Variants in TNFRSF8 observed in about 807,000 individuals in gnomAD.
TNFRSF8 encodes TNF receptor superfamily member 8, also known as tumor necrosis factor receptor superfamily member 8.
In TNFRSF8, 26 loss-of-function variants were observed where a neutral mutation model predicts 70.8. That is an observed-to-expected ratio of 0.37 (90% confidence interval 0.27 to 0.51). The LOEUF (loss-of-function observed/expected upper bound fraction) is 0.51, where lower values mean the gene tolerates loss of function less well. TNFRSF8 is among the 20% of genes least tolerant of loss of function. TNFRSF8 has a pLI of 0.94. For synonymous variants in TNFRSF8, 356 were observed against 339.2 expected, an observed-to-expected ratio of 1.05 and a Z score of -0.54; for missense variants, 720 against 807.9, an observed-to-expected ratio of 0.89 and a Z score of 1.32.
chr1:12,111,890 T>C lies in TNFRSF8; in HGVS notation c.677-8T>C. ...CCTGGCCTGCAGCTTCTCTGCTTCT[T>C]TCCCCAGGTCTGTCCCCAACACAGC... On this transcript the variant is annotated splice_region_variant and splice_polypyrimidine_tract_variant and intron_variant, in intron 6 of 14. Transcript: ENST00000263932. 6.2e-7 allele frequency: 1 copy of C among 1,613,654 alleles called. No individual in the cohort carries two copies. The highest frequency in any genetic ancestry group is 8.5e-7 in the Non-Finnish European group (1 of 1,179,556).
At chr1:12,125,878 A>T in intron 10 of TNFRSF8, 73 bp from the exon 11 acceptor site, 1 of 1,174,492 alleles carries the variant, frequency 8.5e-7, no homozygotes, top group Non-Finnish European at 1.3e-6. Context: ...GAGAAGGAGG[A>T]AGTCGTCTGG....
At chr1:12,116,208 C>T (rs968945058) in intron 8 of TNFRSF8, among the ~76,000 whole-genome samples, 3 of 151,838 alleles carry the variant, frequency 2.0e-5, no homozygotes, top group African/African-American at 4.8e-5. Flanking sequence ...CTCGAACTCC[C>T]GACCTCAGGT....
chr1:12,065,847 G>A (rs538766778), intron 1 of TNFRSF8, among the ~76,000 whole-genome samples: 45 of 152,144 alleles, frequency 3.0e-4, no homozygotes, highest in Admixed American at 6.5e-4. Context: ...CTCTACTACA[G>A]TGCACAGCCC....
intron 12 of TNFRSF8, 96 bp from the exon 13 acceptor site, chr1:12,135,492 C>T: frequency 6.7e-7 from 1 of 1,486,904 alleles, no homozygotes; most frequent in Non-Finnish European, 9.1e-7. Flanking sequence ...TTCAGCACCA[C>T]CTGTGATCCA....
At chr1:12,106,021 C>T (rs1570035553) in intron 4 of TNFRSF8, among the ~76,000 whole-genome samples, 1 of 151,788 alleles carries the variant, frequency 6.6e-6, no homozygotes, top group East Asian at 1.9e-4. Context: ...GACCTGCCTT[C>T]TTCTCTTCAT....
At chr1:12,111,083 G>A (rs542361584) in intron 6 of TNFRSF8, among the ~76,000 whole-genome samples, 1 of 152,276 alleles carries the variant, frequency 6.6e-6, no homozygotes, top group Admixed American at 6.5e-5. Context: ...GGATTTGTGG[G>A]ACTTCTAACA....
Position 12,138,154 on chromosome 1 carries a change from A to T in TNFRSF8, c.1336-75A>T. ...CTGGGGTCTGTAGAGATGAAAAAAA[A>T]AAGGGGCCTCCCAGTTCAGAGACTG... On this transcript the variant is annotated intron_variant, in intron 13 of 14. Transcript: ENST00000263932. This position sits in a 1 kb window ranked among gnomAD's most constrained non-coding sequence, Gnocchi z 5.7. The T allele has an allele frequency of 6.7e-7, 1 of 1,503,052 alleles. No homozygotes were observed. The highest frequency in any genetic ancestry group is 1.3e-5 in the South Asian group (1 of 79,304). The allele number at this position is 1,503,052 out of a possible 1,614,324, so 93.1% of individuals were successfully genotyped here. A position where few individuals can be genotyped will look rare whatever the true frequency, so the allele number is the denominator to read the frequency against.
chr1:12,102,034 G>A (rs1275946152), intron 3 of TNFRSF8, among the ~76,000 whole-genome samples: 4 of 152,134 alleles, frequency 2.6e-5, no homozygotes, highest in African/African-American at 9.7e-5. Flanking sequence ...CTGAAATGTT[G>A]CTCTGTGGTG....
chr1:12,143,548 TG>T lies in TNFRSF8; in HGVS notation c.*1021del, dbSNP rs1216197329. On this transcript the variant is annotated 3_prime_UTR_variant, in exon 15 of 15. Coordinates refer to ENST00000263932, the MANE Select transcript of TNFRSF8 (RefSeq NM_001243.5). The surrounding 1 kb of genome is among the most constrained non-coding windows in gnomAD (Gnocchi z 4.1). ...CACCTGGTTCCGGCTCTGCACGCTT[TG>T]GGGTGTGGATGTCGAGAGGCACCAC... The T allele has an allele frequency of 6.6e-6, 1 of 152,330 alleles. No homozygotes were observed. Among genetic ancestry groups the T allele is most frequent in the African/African-American group, 2.4e-5 (1 of 41,450 alleles). The allele number at this position is 152,330 out of a possible 1,614,324, so 9.4% of individuals were successfully genotyped here. A position where few individuals can be genotyped will look rare whatever the true frequency, so the allele number is the denominator to read the frequency against.
chr1:12,067,915 C>CT (rs1557570398), intron 1 of TNFRSF8, among the ~76,000 whole-genome samples: 1 of 146,862 alleles, frequency 6.8e-6, no homozygotes, highest in Non-Finnish European at 1.5e-5. Flanking sequence ...GGGGGGGGAC[C>CT]TGGAGAGGAG....
intron 2 of TNFRSF8, among the ~76,000 whole-genome samples, chr1:12,087,432 T>A (rs542584077): frequency 6.6e-6 from 1 of 152,270 alleles, no homozygotes; most frequent in East Asian, 1.9e-4. Flanking sequence ...CCTCATAAAG[T>A]GCTGGGATTA....
At chr1:12,111,590 C>G (rs942780790) in intron 6 of TNFRSF8, among the ~76,000 whole-genome samples, 6 of 152,140 alleles carry the variant, frequency 3.9e-5, no homozygotes, top group Admixed American at 3.9e-4. Flanking sequence ...GAAGCTGTTC[C>G]CAAAGTTTTG....
At position 12,113,567 on chromosome 1, in the gene TNFRSF8, CAGAG is replaced by C. The variant is rs958453182; in HGVS notation, c.793+1557_793+1560del. On this transcript the variant is annotated intron_variant, in intron 7 of 14. Transcript: ENST00000263932. The surrounding 1 kb of genome is among the most constrained non-coding windows in gnomAD (Gnocchi z 4.9). ...AGAGTGAGAGAGAGAAAGAGAGAGA[CAGAG>C]AGAAAGAGACAGAATGAGAGGGAGA... is the stretch of plus-strand genomic sequence containing the variant. Among the ~76,000 whole-genome samples the C allele has an allele frequency of 4.1e-5, 6 of 144,604 alleles. No homozygotes were observed. Among genetic ancestry groups the C allele is most frequent in the African/African-American group, 1.0e-4 (4 of 38,252 alleles). The allele number at this position is 144,604 out of a possible 152,430, so 94.9% of individuals were successfully genotyped here.
At chr1:12,071,483 T>G (rs987773889) in intron 1 of TNFRSF8, among the ~76,000 whole-genome samples, 2 of 152,220 alleles carry the variant, frequency 1.3e-5, no homozygotes, top group Non-Finnish European at 2.9e-5. Context: ...GCTATTTTTC[T>G]TCTGGATATG....
Position 12,127,084 on chromosome 1 carries a change from C to T in TNFRSF8, c.1309+848C>T, listed in dbSNP as rs11569919. 5.3e-3 allele frequency among the ~76,000 whole-genome samples: 800 copies of T among 152,310 alleles called. 3 individuals are homozygous for T. The highest frequency in any genetic ancestry group is 8.5e-3 in the Non-Finnish European group (580 of 68,022). On this transcript the variant is annotated intron_variant, in intron 12 of 14. Coordinates refer to ENST00000263932, the MANE Select transcript of TNFRSF8 (RefSeq NM_001243.5). ...TGTCCAGGCAGGGTCGTCTATACAG[C>T]GTGTGTCTTCTAGCTCTCACCTGGG...
In TNFRSF8 at chr1:12,118,113, C is replaced by T. The variant is rs552115089; in HGVS notation, c.946+2384C>T. Among the ~76,000 whole-genome samples, 53 of 152,162 alleles carry T rather than the reference C, an allele frequency of 3.5e-4. No homozygotes were observed. In the South Asian group the frequency reaches 6.4e-3, roughly 18 times the overall value. On this transcript the variant is annotated intron_variant, in intron 8 of 14. Transcript: ENST00000263932. ...GTGGATGCAGCATAACCCTCCCCCC[C>T]CACCCTTTTCTTTTTGAGACAAAGT...
intron 14 of TNFRSF8, among the ~76,000 whole-genome samples, chr1:12,139,439 T>C (rs11569946): frequency 5.2e-4 from 79 of 152,146 alleles, no homozygotes; most frequent in African/African-American, 1.8e-3. Context: ...GGACCCTGCT[T>C]ATTTGCCCCT....
intron 12 of TNFRSF8, among the ~76,000 whole-genome samples, chr1:12,128,445 C>A (rs955377516): frequency 1.3e-5 from 2 of 152,210 alleles, no homozygotes; most frequent in Non-Finnish European, 2.9e-5. Flanking sequence ...TGTGTGTCCT[C>A]GGTGACAGGC....
intron 8 of TNFRSF8, among the ~76,000 whole-genome samples, chr1:12,120,196 G>A (rs1322218892): frequency 6.6e-6 from 1 of 152,178 alleles, no homozygotes; most frequent in Non-Finnish European, 1.5e-5. Flanking sequence ...TCAGCTAAGT[G>A]AGGGGGCAAA....
Sources: allele counts gnomAD v4.1 joint callset (sites outside exome capture counted in the v4.1 genomes callset), GRCh38; gene constraint gnomAD v4.1.1; non-coding constraint Gnocchi (gnomAD v3.1); transcripts MANE v1.5; gene names NCBI Gene and HGNC (gene_info 2026-07-23, HGNC 2026-07-21).